Variants in ACTL8 observed in about 807,000 individuals in gnomAD.
ACTL8 encodes actin like 8, also known as actin-like protein 8.
ACTL8 carries 3 observed loss-of-function variants against 9.3 expected under a neutral mutation model. The observed-to-expected ratio is 0.32, with a 90% confidence interval of 0.15 to 0.83. ACTL8 has a LOEUF of 0.83. Among genes scored for constraint, ACTL8 ranks in the 40% least tolerant of loss-of-function variants. ACTL8 has a pLI of 0.57. For synonymous variants in ACTL8, 224 were observed against 205.9 expected (o/e 1.09, Z -0.75); for missense variants, 381 against 492.2 (o/e 0.77, Z 2.14).
chr1:17,822,963 AC>A, intron 1 of ACTL8, 21 bp from the exon 2 acceptor site: 1 of 1,549,774 alleles, frequency 6.5e-7, no homozygotes, highest in Non-Finnish European at 8.8e-7. Flanking sequence ...TGCACAACTA[AC>A]CCCATCCTTT....
rs1427835941 is a variant in ACTL8 at position 17,823,224 on chromosome 1, C to T, written c.216C>T (p.Ile72=). ...GCTACCCCATCGAGCGGGGCCGCAT[C>T]CTCAACTGGGAGGGTGTGCAGTACC... The part of the protein sequence containing the change: ...TFSYPIERGR[I]LNWEGVQYLW... Residue 72 remains isoleucine (I), a synonymous_variant, in exon 2 of 3, where the codon ATC becomes ATT. Transcript: ENST00000375406. This position sits in a 1 kb window ranked among gnomAD's most constrained non-coding sequence, Gnocchi z 5.3. 2 of 1,614,186 alleles carry T rather than the reference C, an allele frequency of 1.2e-6. No homozygotes were observed. The highest frequency in any genetic ancestry group is 2.2e-5 in the South Asian group (2 of 91,086).
chr1:17,810,994 G>C (rs555476125), intron 1 of ACTL8, among the ~76,000 whole-genome samples: 1 of 152,236 alleles, frequency 6.6e-6, no homozygotes, highest in South Asian at 2.1e-4. Flanking sequence ...TATTTCTCTG[G>C]AGTACATAGG....
Position 17,768,894 on chromosome 1 carries a change from G to A in ACTL8, c.-25+13390G>A, listed in dbSNP as rs573159560. Reference sequence around the variant, plus strand: ...AGTCTTGGGAGGGTAATTGTGTCAGGAAGCAGAGCGGGAGGAGTGGTCCAC... The same window carrying A: ...AGTCTTGGGAGGGTAATTGTGTCAGAAAGCAGAGCGGGAGGAGTGGTCCAC... On this transcript the variant is annotated intron_variant, in intron 1 of 2. Coordinates refer to ENST00000375406, the MANE Select transcript of ACTL8 (RefSeq NM_030812.3). 3.9e-5 allele frequency among the ~76,000 whole-genome samples: 6 copies of A among 152,142 alleles called. No homozygotes were observed. In the East Asian group the frequency reaches 1.2e-3, roughly 29 times the overall value.
At chr1:17,793,558 C>T (rs1232786784) in intron 1 of ACTL8, among the ~76,000 whole-genome samples, 1 of 152,148 alleles carries the variant, frequency 6.6e-6, no homozygotes, top group African/African-American at 2.4e-5. Context: ...CATTTTAGAA[C>T]CTGGGACCTC....
chr1:17,766,960 C>T (rs554504519), intron 1 of ACTL8, among the ~76,000 whole-genome samples: 11 of 152,220 alleles, frequency 7.2e-5, no homozygotes, highest in Non-Finnish European at 1.3e-4. Context: ...GTTTTGCCCC[C>T]GTGCAGTTCC....
At chr1:17,800,459 GTCTC>G (rs1015756862) in intron 1 of ACTL8, among the ~76,000 whole-genome samples, 6 of 151,972 alleles carry the variant, frequency 3.9e-5, no homozygotes, top group Non-Finnish European at 8.8e-5. Flanking sequence ...AACAATGGTG[GTCTC>G]TCTGTCTCTT....
chr1:17,812,895 T>G (rs2066402713), intron 1 of ACTL8, among the ~76,000 whole-genome samples: 1 of 152,194 alleles, frequency 6.6e-6, no homozygotes, highest in Non-Finnish European at 1.5e-5. Context: ...TCTCTCATAA[T>G]TTTTGATGTT....
chr1:17,805,960 C>T (rs1411671280), intron 1 of ACTL8, among the ~76,000 whole-genome samples: 14 of 152,202 alleles, frequency 9.2e-5, no homozygotes, highest in Non-Finnish European at 2.9e-5. Flanking sequence ...AAGATGTCAC[C>T]TACCCTGATG....
In ACTL8 at chr1:17,763,625, G is replaced by A. The variant is rs117383504; in HGVS notation, c.-25+8121G>A. On this transcript the variant is annotated intron_variant, in intron 1 of 2. Coordinates refer to ENST00000375406, the MANE Select transcript of ACTL8 (RefSeq NM_030812.3). ...ACAGCCTTTGTAAGCAGCTCATTACGTCTTCCCCATCCTATTCCTCATTAG... is the reference window on the plus strand; with the variant it reads ...ACAGCCTTTGTAAGCAGCTCATTACATCTTCCCCATCCTATTCCTCATTAG... Among the ~76,000 whole-genome samples the A allele has an allele frequency of 2.7e-3, 410 of 152,274 alleles. 8 individuals carry two copies. In the East Asian group the frequency reaches 0.051, roughly 19 times the overall value.
intron 1 of ACTL8, among the ~76,000 whole-genome samples, chr1:17,816,825 T>G (rs945046330): frequency 3.3e-5 from 5 of 152,182 alleles, no homozygotes; most frequent in Admixed American, 3.3e-4. Flanking sequence ...TCCCCAACTC[T>G]TTGAGTTGCA....
At chr1:17,756,085 T>G (rs1020312468) in intron 1 of ACTL8, among the ~76,000 whole-genome samples, 15 of 151,054 alleles carry the variant, frequency 9.9e-5, no homozygotes, top group African/African-American at 3.2e-4. Flanking sequence ...TTGTGGACTT[T>G]ATTTCAGCCT....
chr1:17,802,295 T>A (rs1314501671), intron 1 of ACTL8, among the ~76,000 whole-genome samples: 1 of 152,112 alleles, frequency 6.6e-6, no homozygotes, highest in East Asian at 1.9e-4. Context: ...TTTGTTTCTA[T>A]GAAGTTGAGC....
intron 1 of ACTL8, among the ~76,000 whole-genome samples, chr1:17,758,612 A>G (rs260522): frequency 0.72 from 109,357 of 152,080 alleles, 40,801 homozygotes; most frequent in African/African-American, 0.92. Flanking sequence ...CCAAAATAAT[A>G]GGGAAATGGA....
rs538666163 is a variant in ACTL8 at position 17,783,680 on chromosome 1, A to T, written c.-25+28176A>T. ...GAACTGCACGGTCGTCGGGCTGGAG[A>T]TGTCACCTCCAGGCCTCTTCTGCAG... On this transcript the variant is annotated intron_variant, in intron 1 of 2. Transcript: ENST00000375406. Among the ~76,000 whole-genome samples, 82 of 152,176 alleles carry T rather than the reference A, an allele frequency of 5.4e-4. 1 individual carries two copies. Among genetic ancestry groups the T allele is most frequent in the African/African-American group, 1.9e-3 (80 of 41,516 alleles).
At chr1:17,797,799 A>G (rs4920387) in intron 1 of ACTL8, among the ~76,000 whole-genome samples, 26,583 of 152,078 alleles carry the variant, frequency 0.17, 2,960 homozygotes, top group Admixed American at 0.37. Context: ...TGATAATTAA[A>G]TTGTGGGATG....
chr1:17,777,116 G>A (rs537699655), intron 1 of ACTL8, among the ~76,000 whole-genome samples: 16 of 151,168 alleles, frequency 1.1e-4, no homozygotes, highest in African/African-American at 1.7e-4. Context: ...GGTGTGAGCC[G>A]CAGAACCTGG....
chr1:17,768,504 C>T (rs916078142), intron 1 of ACTL8, among the ~76,000 whole-genome samples: 1 of 152,200 alleles, frequency 6.6e-6, no homozygotes, highest in Non-Finnish European at 1.5e-5. Context: ...AAGAGCCACA[C>T]ATGTGAGCTG....
Position 17,767,001 on chromosome 1 carries a change from T to A in ACTL8, c.-25+11497T>A, listed in dbSNP as rs568127026. On this transcript the variant is annotated intron_variant, in intron 1 of 2. Coordinates refer to ENST00000375406, the MANE Select transcript of ACTL8 (RefSeq NM_030812.3). The surrounding 1 kb of genome is among the most constrained non-coding windows in gnomAD (Gnocchi z 4.7). ...AGTTGGGGGAGACAAGATATGCAGA[T>A]GATGAATGTGGTTTCAGGTTGGGAG... Among the ~76,000 whole-genome samples the A allele has an allele frequency of 1.3e-5, 2 of 152,236 alleles. No homozygotes were observed. Among genetic ancestry groups the A allele is most frequent in the East Asian group, 3.9e-4 (2 of 5,172 alleles).
chr1:17,762,936 G>A (rs2066017489), intron 1 of ACTL8, among the ~76,000 whole-genome samples: 1 of 152,152 alleles, frequency 6.6e-6, no homozygotes, highest in African/African-American at 2.4e-5. Context: ...AATGGAATGA[G>A]TGTGTGTGAG....
Sources: gnomAD v4.1 joint callset for allele counts (sites outside exome capture counted in the v4.1 genomes callset) on GRCh38, gnomAD v4.1.1 for gene constraint, Gnocchi (gnomAD v3.1) non-coding constraint, MANE v1.5 for transcripts, NCBI Gene and HGNC (gene_info 2026-07-23, HGNC 2026-07-21) for gene names.